Variants in SPTLC3 observed in about 807,000 individuals in gnomAD.
The protein encoded by SPTLC3 is serine palmitoyltransferase 3.
In SPTLC3, 36 loss-of-function variants were observed where a neutral mutation model predicts 59.3. The ratio of observed to expected loss-of-function variants is 0.61; its 90% CI spans 0.47 to 0.80. The LOEUF (loss-of-function observed/expected upper bound fraction) is 0.80. Ranked by LOEUF, SPTLC3 falls within the 30% of genes least tolerant of loss-of-function variation. The pLI, the probability that SPTLC3 is intolerant of heterozygous loss-of-function variation, is 0.00. For missense variants in SPTLC3, 625 were observed against 685.1 expected (o/e 0.91, Z 0.98); for synonymous variants, 257 against 240.8 (o/e 1.07, Z -0.62).
chr20:13,137,953 C>G (rs1223212947), intron 9 of SPTLC3, among the ~76,000 whole-genome samples: 1 of 152,162 alleles, frequency 6.6e-6, no homozygotes, highest in Non-Finnish European at 1.5e-5. Context: ...AGAGCCAAAA[C>G]TTGAGACAAA....
chr20:13,080,656 C>T (rs1988811880), intron 4 of SPTLC3, among the ~76,000 whole-genome samples: 1 of 151,942 alleles, frequency 6.6e-6, no homozygotes, highest in Non-Finnish European at 1.5e-5. Flanking sequence ...AAATAATAAC[C>T]CGTAGTTTCA....
chr20:13,097,336 CA>C (rs1989452717), intron 6 of SPTLC3, among the ~76,000 whole-genome samples: 1 of 152,096 alleles, frequency 6.6e-6, no homozygotes, highest in South Asian at 2.1e-4. Context: ...CAAAAAGCAA[CA>C]AAAGGCACCT....
intron 10 of SPTLC3, among the ~76,000 whole-genome samples, chr20:13,158,873 G>T (rs2038833202): frequency 6.6e-6 from 1 of 152,180 alleles, no homozygotes; most frequent in South Asian, 2.1e-4. Context: ...TCCACGTCTG[G>T]TTCAAGAATT....
intron 6 of SPTLC3, among the ~76,000 whole-genome samples, 160 bp from the exon 7 acceptor site, chr20:13,109,952 A>G (rs1990129988): frequency 6.6e-6 from 1 of 152,218 alleles, no homozygotes. Flanking sequence ...CTACTGAAAA[A>G]TAGACCTCTG....
intron 2 of SPTLC3, among the ~76,000 whole-genome samples, chr20:13,056,269 T>C (rs1432659585): frequency 6.6e-6 from 1 of 152,164 alleles, no homozygotes; most frequent in Admixed American, 6.5e-5. Context: ...TCCAGAGCAA[T>C]AGTCAATAGA....
intron 1 of SPTLC3, among the ~76,000 whole-genome samples, chr20:13,040,482 C>A (rs1435864102): frequency 6.6e-6 from 1 of 152,046 alleles, no homozygotes; most frequent in African/African-American, 2.4e-5. Context: ...CCTCAGCCTC[C>A]CAAGTAGCTG....
At chr20:13,043,759 C>G (rs550985119) in intron 1 of SPTLC3, among the ~76,000 whole-genome samples, 1 of 152,146 alleles carries the variant, frequency 6.6e-6, no homozygotes, top group Non-Finnish European at 1.5e-5. Flanking sequence ...TATTAGTAAC[C>G]GAAGTCACCA....
chr20:13,035,640 A>T (rs1430241648), intron 1 of SPTLC3, among the ~76,000 whole-genome samples: 1 of 152,180 alleles, frequency 6.6e-6, no homozygotes, highest in African/African-American at 2.4e-5. Context: ...CAAAACAAAA[A>T]TACAATTATC....
chr20:13,127,170 A>C (rs1469152780), intron 9 of SPTLC3, among the ~76,000 whole-genome samples: 1 of 152,206 alleles, frequency 6.6e-6, no homozygotes, highest in African/African-American at 2.4e-5. Flanking sequence ...TATATAGACA[A>C]AACACACACA....
intron 1 of SPTLC3, among the ~76,000 whole-genome samples, chr20:13,024,228 C>G (rs1311097218): frequency 1.3e-5 from 2 of 152,170 alleles, no homozygotes; most frequent in Admixed American, 1.3e-4. Context: ...GCAGTGCAAT[C>G]TAGTCACAGG....
chr20:13,041,057 T>A (rs1015962772), intron 1 of SPTLC3, among the ~76,000 whole-genome samples: 10 of 152,218 alleles, frequency 6.6e-5, no homozygotes, highest in Non-Finnish European at 1.3e-4. Flanking sequence ...ATATGTCTGA[T>A]AACAGATCTC....
At chr20:13,019,787 C>T (rs144715012) in intron 1 of SPTLC3, among the ~76,000 whole-genome samples, 1 of 152,158 alleles carries the variant, frequency 6.6e-6, no homozygotes, top group Non-Finnish European at 1.5e-5. Context: ...TCTAACTGGA[C>T]CTTCAAAAGT....
At chr20:13,104,754 C>T (rs1442690295) in intron 6 of SPTLC3, among the ~76,000 whole-genome samples, 1 of 152,022 alleles carries the variant, frequency 6.6e-6, no homozygotes, top group African/African-American at 2.4e-5. Flanking sequence ...ACCATAGCAC[C>T]GTGTGTGTGT....
intron 6 of SPTLC3, among the ~76,000 whole-genome samples, chr20:13,095,378 C>A (rs1989375104): frequency 6.6e-6 from 1 of 152,134 alleles, no homozygotes; most frequent in African/African-American, 2.4e-5. Flanking sequence ...TCTACTGCGT[C>A]AGTGCTCATA....
Position 13,009,257 on chromosome 20 carries a change from A to C in SPTLC3, c.-11A>C, listed in dbSNP as rs750460706. The C allele has an allele frequency of 3.1e-6, 5 of 1,612,560 alleles. No individual in the cohort carries two copies. The Admixed American group carries it at 8.3e-5, about 27-fold the overall frequency. On this transcript the variant is annotated 5_prime_UTR_variant, in exon 1 of 12. Coordinates refer to ENST00000399002, the MANE Select transcript of SPTLC3 (RefSeq NM_018327.4). The stretch of plus-strand genomic sequence containing the variant: ...AGGAAAACCTGTCCCGGGCTCTGTC[A>C]CTTCACACCCATGGCTAACCCTGGA...
chr20:13,010,762 T>C (rs1232601382), intron 1 of SPTLC3, among the ~76,000 whole-genome samples: 1 of 152,222 alleles, frequency 6.6e-6, no homozygotes, highest in Non-Finnish European at 1.5e-5. Context: ...CTTACCCTTG[T>C]GATTATTCTG....
At position 13,154,023 on chromosome 20, in the gene SPTLC3, C is replaced by T; in HGVS notation, c.1300C>T (p.Leu434Phe). Residue 434 changes from leucine (L) to phenylalanine (F), a missense_variant, in exon 10 of 12, where the codon CTT becomes TTT. By Grantham distance (22) the Leu-to-Phe change is conservative. Transcript: ENST00000399002. ...TTCAGGGCTGCAGAGAGTACAGCAA[C>T]TTGCGAAAAACACAAGATACTTCAG... ...TTQGLQRVQQ[L>F]AKNTRYFRQR... The T allele has an allele frequency of 6.2e-7, 1 of 1,614,110 alleles. No homozygotes were observed. The highest frequency in any genetic ancestry group is 8.5e-7 in the Non-Finnish European group (1 of 1,179,970).
chr20:13,142,005 C>T (rs1600372402), intron 9 of SPTLC3, among the ~76,000 whole-genome samples: 1 of 152,216 alleles, frequency 6.6e-6, no homozygotes, highest in African/African-American at 2.4e-5. Flanking sequence ...AATTAGCCAA[C>T]AAACTGAACT....
chr20:13,162,455 T>C (rs2038912305), intron 11 of SPTLC3, among the ~76,000 whole-genome samples: 1 of 152,124 alleles, frequency 6.6e-6, no homozygotes, highest in Non-Finnish European at 1.5e-5. Context: ...CATGTGCCCA[T>C]CTCAACAGAA....
Sources: gnomAD v4.1 joint callset for allele counts (sites outside exome capture counted in the v4.1 genomes callset) on GRCh38, gnomAD v4.1.1 for gene constraint, MANE v1.5 for transcripts, NCBI Gene and HGNC (gene_info 2026-07-23, HGNC 2026-07-21) for gene names.